Variants in FAM227A observed in about 807,000 individuals in gnomAD.
FAM227A encodes the protein protein FAM227A.
A neutral mutation model predicts 74.7 loss-of-function variants in FAM227A; 80 were observed. The observed-to-expected ratio is 1.07, with a 90% CI of 0.89 to 1.29. FAM227A has a LOEUF of 1.29. FAM227A is among the 50% of genes most tolerant of loss of function. The probability of loss-of-function intolerance (pLI) is 0.00; values close to 1 mark genes in which losing one functional copy is unlikely to be tolerated. For missense variants in FAM227A, 654 were observed against 683.4 expected (o/e 0.96, Z 0.48); for synonymous variants, 237 against 241.8 (o/e 0.98, Z 0.19).
intron 13 of FAM227A, among the ~76,000 whole-genome samples, chr22:38,600,241 T>G (rs2091142591): frequency 6.6e-6 from 1 of 151,978 alleles, no homozygotes; most frequent in African/African-American, 2.4e-5. Context: ...GTTTCAGGTA[T>G]AATAGTAAAT....
At chr22:38,628,430 C>A in intron 7 of FAM227A, 88 bp from the exon 8 acceptor site, 1 of 790,696 alleles carries the variant, frequency 1.3e-6, no homozygotes. Context: ...GTATTGTTTT[C>A]ATTTCCAAGA....
At chr22:38,653,594 C>T (rs1404945691) in intron 1 of FAM227A, among the ~76,000 whole-genome samples, 1 of 152,050 alleles carries the variant, frequency 6.6e-6, no homozygotes, top group Non-Finnish European at 1.5e-5. Flanking sequence ...TCAGGCTGGT[C>T]TCAAACTCCT....
intron 16 of FAM227A, 81 bp downstream of exon 16, chr22:38,591,354 T>C (rs751686613): frequency 6.7e-7 from 1 of 1,487,800 alleles, no homozygotes; most frequent in South Asian, 1.4e-5. Context: ...ATAATTATTA[T>C]TCTTACATGT....
At chr22:38,632,191 C>A (rs1334800470) in intron 6 of FAM227A, among the ~76,000 whole-genome samples, 1 of 152,046 alleles carries the variant, frequency 6.6e-6, no homozygotes, top group Non-Finnish European at 1.5e-5. Context: ...GTAGTGAAGG[C>A]CTTGGAGGAA....
intron 11 of FAM227A, among the ~76,000 whole-genome samples, chr22:38,618,946 TG>T (rs1389922781): frequency 6.7e-6 from 1 of 148,504 alleles, no homozygotes; most frequent in Non-Finnish European, 1.5e-5. Flanking sequence ...AACCCTGCCC[TG>T]GGATTTTTTT....
chr22:38,644,769 G>A (rs1265900627), intron 3 of FAM227A, among the ~76,000 whole-genome samples: 2 of 152,128 alleles, frequency 1.3e-5, no homozygotes, highest in East Asian at 1.9e-4. Flanking sequence ...GCTCGATTTC[G>A]CTGTGAACTT....
chr22:38,633,853 C>T (rs1294183843), intron 6 of FAM227A, among the ~76,000 whole-genome samples: 1 of 152,014 alleles, frequency 6.6e-6, no homozygotes, highest in Non-Finnish European at 1.5e-5. Flanking sequence ...CATCTTATAA[C>T]CTTGTAACTC....
Position 38,599,756 on chromosome 22 carries a change from A to G in FAM227A, c.1379+8T>C. 6.5e-7 allele frequency: 1 copy of G among 1,548,562 alleles called. No homozygotes were observed. Among genetic ancestry groups the G allele is most frequent in the Non-Finnish European group, 8.7e-7 (1 of 1,145,704 alleles). ...CAGTGCGCACCCTGCCCACAGTGAC[A>G]AGGATATGGGGTGCTCGTGGTCTTT... On this transcript the variant is annotated splice_region_variant and intron_variant, in intron 14 of 16. Coordinates refer to ENST00000535113, the MANE Select transcript of FAM227A (RefSeq NM_001013647.2).
At chr22:38,621,935 C>T (rs2091700044) in intron 10 of FAM227A, among the ~76,000 whole-genome samples, 1 of 152,112 alleles carries the variant, frequency 6.6e-6, no homozygotes, top group East Asian at 1.9e-4. Flanking sequence ...CACTGCAGTG[C>T]CCAATCCCCT....
At chr22:38,642,855 G>T (rs368190308) in intron 3 of FAM227A, among the ~76,000 whole-genome samples, 1 of 152,274 alleles carries the variant, frequency 6.6e-6, no homozygotes. Flanking sequence ...AGAATCGTTT[G>T]AACCCAGGAG....
At chr22:38,610,812 G>A (rs2091397238) in intron 11 of FAM227A, among the ~76,000 whole-genome samples, 1 of 152,300 alleles carries the variant, frequency 6.6e-6, no homozygotes, top group Non-Finnish European at 1.5e-5. Context: ...CTGCAATCCT[G>A]GCACTTTGGG....
chr22:38,622,301 C>T (rs1393149987), intron 10 of FAM227A, among the ~76,000 whole-genome samples: 1 of 152,222 alleles, frequency 6.6e-6, no homozygotes, highest in Non-Finnish European at 1.5e-5. Context: ...CTACCACCAG[C>T]TCATCCTTGA....
intron 15 of FAM227A, 128 bp downstream of exon 15, chr22:38,597,076 A>G (rs1293981221): frequency 1.5e-5 from 12 of 810,340 alleles, no homozygotes; most frequent in Admixed American, 2.5e-5. Context: ...GACCACAAGA[A>G]AGCTGATTAT....
At position 38,581,744 on chromosome 22, in the gene FAM227A, T is replaced by TG. The variant is rs1441390988; in HGVS notation, c.*4380_*4381insC. 2.7e-5 allele frequency: 4 copies of TG among 148,130 alleles called. No homozygotes were observed. The highest frequency in any genetic ancestry group is 5.0e-5 in the African/African-American group (2 of 40,284). The allele number at this position is 148,130 out of a possible 1,614,324, so 9.2% of individuals were successfully genotyped here. A position where few individuals can be genotyped will look rare whatever the true frequency, so the allele number is the denominator to read the frequency against. Reference sequence around the variant, plus strand: ...GTTAGCCACCGCACCTGGCTCAGGTTTTTTTTTTTTTTTTTCCCAGACACA... The same window carrying TG: ...GTTAGCCACCGCACCTGGCTCAGGTTGTTTTTTTTTTTTTTTCCCAGACACA... On this transcript the variant is annotated 3_prime_UTR_variant, in exon 17 of 17. Transcript: ENST00000535113.
chr22:38,655,075 G>A (rs2092373656), intron 1 of FAM227A, among the ~76,000 whole-genome samples: 1 of 151,316 alleles, frequency 6.6e-6, no homozygotes, highest in African/African-American at 2.4e-5. Context: ...AGGAGTCGGA[G>A]GTTGCAGTGA....
chr22:38,610,347 C>T (rs1418082418), intron 11 of FAM227A, among the ~76,000 whole-genome samples: 1 of 152,190 alleles, frequency 6.6e-6, no homozygotes, highest in Non-Finnish European at 1.5e-5. Context: ...TCATTCTTAA[C>T]AGGCCTCAGA....
chr22:38,582,477 T>C lies in FAM227A; in HGVS notation c.*3648A>G, dbSNP rs770281891. On this transcript the variant is annotated 3_prime_UTR_variant, in exon 17 of 17. Transcript: ENST00000535113. ...CACATTACAGCAAATGCTTTTTAAA[T>C]GTTAGTTCCCTTTGATGCTCTACCC... The C allele has an allele frequency of 4.5e-5, 67 of 1,488,590 alleles. No homozygotes were observed. Among genetic ancestry groups the C allele is most frequent in the Non-Finnish European group, 4.9e-5 (54 of 1,095,036 alleles). 92.2% of individuals were successfully genotyped at this position (1,488,590 alleles called of 1,614,324 possible).
chr22:38,603,102 G>C (rs1042728114), intron 13 of FAM227A, among the ~76,000 whole-genome samples: 1 of 152,146 alleles, frequency 6.6e-6, no homozygotes, highest in African/African-American at 2.4e-5. Flanking sequence ...TCGAACTCCT[G>C]ACCTTAGGTG....
At chr22:38,632,184 G>A (rs1468119205) in intron 6 of FAM227A, among the ~76,000 whole-genome samples, 2 of 152,172 alleles carry the variant, frequency 1.3e-5, no homozygotes, top group East Asian at 3.9e-4. Context: ...CTGCAGTGTA[G>A]TGAAGGCCTT....
Sources: gnomAD v4.1 joint callset for allele counts (sites outside exome capture counted in the v4.1 genomes callset) on GRCh38, gnomAD v4.1.1 for gene constraint, MANE v1.5 for transcripts, NCBI Gene and HGNC (gene_info 2026-07-23, HGNC 2026-07-21) for gene names.